Variants in ROBO1 observed in about 807,000 individuals in gnomAD.
The protein encoded by ROBO1 is roundabout homolog 1.
ROBO1 carries 149 observed loss-of-function variants against 195.9 expected under a neutral mutation model. The ratio of observed to expected loss-of-function variants is 0.76; its 90% CI spans 0.67 to 0.87. The LOEUF is 0.87. Among genes scored for constraint, ROBO1 ranks in the 40% least tolerant of loss-of-function variants. The pLI, the probability that ROBO1 is intolerant of heterozygous loss-of-function variation, is 0.00. For missense variants in ROBO1, 1,933 were observed against 2,068.3 expected (o/e 0.93, Z 1.27); for synonymous variants, 816 against 733.2 (o/e 1.11, Z -1.82).
intron 4 of ROBO1, among the ~76,000 whole-genome samples, chr3:78,811,475 T>C (rs1255352807): frequency 6.6e-6 from 1 of 152,180 alleles, no homozygotes; most frequent in Non-Finnish European, 1.5e-5. Flanking sequence ...ACATATCTAC[T>C]GTGATCTTTT....
chr3:79,139,137 C>CAT (rs1049883070), intron 2 of ROBO1, among the ~76,000 whole-genome samples: 23 of 150,944 alleles, frequency 1.5e-4, no homozygotes, highest in Non-Finnish European at 2.4e-4. Context: ...ACATCAATAA[C>CAT]ATATATATAT....
chr3:79,760,323 C>T (rs1704627916), intron 1 of ROBO1, among the ~76,000 whole-genome samples: 1 of 137,096 alleles, frequency 7.3e-6, no homozygotes, highest in Non-Finnish European at 1.5e-5. Flanking sequence ...TATGACTTCA[C>T]CATAAAGATT....
chr3:78,667,515 T>C (rs915696847), intron 14 of ROBO1, among the ~76,000 whole-genome samples: 1 of 151,228 alleles, frequency 6.6e-6, no homozygotes, highest in Non-Finnish European at 1.5e-5. Context: ...TAGATCTAAC[T>C]ATTCTTTTTT....
At chr3:78,984,379 A>G (rs1031084886) in intron 3 of ROBO1, among the ~76,000 whole-genome samples, 5 of 152,182 alleles carry the variant, frequency 3.3e-5, no homozygotes, top group African/African-American at 1.2e-4. Context: ...CACAGCTGAG[A>G]TGATTCAGAA....
At chr3:79,364,226 ATG>A (rs201971805) in intron 2 of ROBO1, among the ~76,000 whole-genome samples, 16 of 84,760 alleles carry the variant, frequency 1.9e-4, no homozygotes, top group South Asian at 3.6e-4. Context: ...AACTATATAA[ATG>A]TGTGTGTGTA....
chr3:79,660,056 G>A (rs1946284972), intron 1 of ROBO1, among the ~76,000 whole-genome samples: 2 of 151,850 alleles, frequency 1.3e-5, no homozygotes, highest in Non-Finnish European at 2.9e-5. Context: ...TCTGATGTGG[G>A]TTTGCCGTTT....
chr3:79,506,466 T>A (rs761943662), intron 2 of ROBO1, among the ~76,000 whole-genome samples: 1 of 152,058 alleles, frequency 6.6e-6, no homozygotes, highest in Non-Finnish European at 1.5e-5. Flanking sequence ...AAGCAATTTT[T>A]TTTTTTTGAG....
chr3:78,868,331 G>C (rs1350599959), intron 4 of ROBO1, among the ~76,000 whole-genome samples: 1 of 151,524 alleles, frequency 6.6e-6, no homozygotes, highest in Non-Finnish European at 1.5e-5. Context: ...GCAAACCTTG[G>C]AGGTCTTAAT....
At chr3:79,464,503 T>C (rs1029822500) in intron 2 of ROBO1, among the ~76,000 whole-genome samples, 3 of 152,190 alleles carry the variant, frequency 2.0e-5, no homozygotes, top group African/African-American at 7.2e-5. Context: ...GGAATTGCAA[T>C]TCCCTAATGA....
At chr3:79,403,811 G>A (rs1355370627) in intron 2 of ROBO1, among the ~76,000 whole-genome samples, 1 of 151,860 alleles carries the variant, frequency 6.6e-6, no homozygotes, top group Non-Finnish European at 1.5e-5. Context: ...ATATTTGTTA[G>A]AATGAAAAAG....
intron 2 of ROBO1, among the ~76,000 whole-genome samples, chr3:79,545,703 T>C (rs1337633491): frequency 8.1e-6 from 1 of 123,232 alleles, no homozygotes; most frequent in Non-Finnish European, 1.7e-5. Flanking sequence ...GGTAGGTAGG[T>C]TTTTTCTTTA....
chr3:79,081,752 T>C (rs1032265288), intron 3 of ROBO1, among the ~76,000 whole-genome samples: 12 of 152,190 alleles, frequency 7.9e-5, no homozygotes, highest in African/African-American at 2.9e-4. Context: ...AAGGATCTCA[T>C]TCTTTGGCTC....
chr3:79,083,221 C>T (rs550042330), intron 3 of ROBO1, among the ~76,000 whole-genome samples: 7 of 151,296 alleles, frequency 4.6e-5, no homozygotes, highest in Admixed American at 3.3e-4. Context: ...AGTATATTTG[C>T]GAAGAGTTAC....
chr3:79,566,914 G>A (rs1943108513), intron 2 of ROBO1, among the ~76,000 whole-genome samples: 1 of 151,948 alleles, frequency 6.6e-6, no homozygotes, highest in Non-Finnish European at 1.5e-5. Context: ...CGTTCAACCC[G>A]GCAATCCCAT....
At chr3:79,681,562 G>C (rs1946949234) in intron 1 of ROBO1, among the ~76,000 whole-genome samples, 1 of 151,980 alleles carries the variant, frequency 6.6e-6, no homozygotes, top group South Asian at 2.1e-4. Flanking sequence ...TGAAATCTGA[G>C]TGTTACCTTG....
chr3:79,018,469 G>T (rs765976364), intron 3 of ROBO1: 1 of 1,613,802 alleles, frequency 6.2e-7, no homozygotes, highest in Non-Finnish European at 8.5e-7. Context: ...CATTGTCCTC[G>T]GGTGGATCCT....
intron 3 of ROBO1, among the ~76,000 whole-genome samples, chr3:78,975,468 T>C (rs2076866455): frequency 2.0e-5 from 3 of 152,180 alleles, no homozygotes; most frequent in East Asian, 1.9e-4. Context: ...AGAATGAGAA[T>C]TGGTTCTTGG....
chr3:78,619,034 ATT>A (rs1308632543), intron 26 of ROBO1, among the ~76,000 whole-genome samples: 1 of 152,210 alleles, frequency 6.6e-6, no homozygotes, highest in Admixed American at 6.5e-5. Flanking sequence ...TAACTCTTAA[ATT>A]AAAAGAGTGC....
At position 78,717,621 on chromosome 3, in the gene ROBO1, G is replaced by T. The variant is rs188578339; in HGVS notation, c.778+142C>A. On this transcript the variant is annotated intron_variant, in intron 6 of 30. Coordinates refer to ENST00000464233, the MANE Select transcript of ROBO1 (RefSeq NM_002941.4). ...ATCTTTGGCTATTTTATCTCAAGCT[G>T]CTTTTCTGATTTCTTCTCTCCTCTT... 167 of 1,034,866 alleles carry T rather than the reference G, an allele frequency of 1.6e-4. 1 individual carries two copies. The East Asian group carries it at 4.3e-3, about 26-fold the overall frequency. The allele number at this position is 1,034,866 out of a possible 1,614,324, so 64.1% of individuals were successfully genotyped here.
Sources: allele counts gnomAD v4.1 joint callset (sites outside exome capture counted in the v4.1 genomes callset), GRCh38; gene constraint gnomAD v4.1.1; transcripts MANE v1.5; gene names NCBI Gene and HGNC (gene_info 2026-07-23, HGNC 2026-07-21).